The following GRID1 variants were observed in gnomAD, a reference collection of about 807,000 sequenced individuals.
The protein encoded by GRID1 is glutamate ionotropic receptor delta type subunit 1.
A neutral mutation model predicts 98.0 loss-of-function variants in GRID1; 28 were observed. That is an observed-to-expected ratio of 0.29 (90% CI 0.21 to 0.39). The LOEUF is 0.39. Among genes scored for constraint, GRID1 ranks in the 10% least tolerant of loss-of-function variants. The pLI, the probability that GRID1 is intolerant of heterozygous loss-of-function variation, is 1.00. For missense variants in GRID1, 1,111 were observed against 1,340.5 expected (o/e 0.83, Z 2.67); for synonymous variants, 553 against 538.5 (o/e 1.03, Z -0.37).
intron 2 of GRID1, among the ~76,000 whole-genome samples, chr10:86,286,075 C>T (rs1213747317): frequency 2.0e-5 from 3 of 152,070 alleles, no homozygotes; most frequent in East Asian, 3.9e-4. Flanking sequence ...GATAGGGATA[C>T]GTTAGATGTA....
chr10:85,849,498 T>C (rs1227736277), intron 8 of GRID1, among the ~76,000 whole-genome samples: 2 of 152,034 alleles, frequency 1.3e-5, no homozygotes, highest in African/African-American at 2.4e-5. Flanking sequence ...CCAAGGGCAG[T>C]GGTGGAAATT....
At chr10:85,741,712 G>C (rs1389560852) in intron 8 of GRID1, among the ~76,000 whole-genome samples, 2 of 151,738 alleles carry the variant, frequency 1.3e-5, no homozygotes, top group African/African-American at 2.4e-5. Context: ...AAATTCTCAA[G>C]TGGTTTTCAA....
At chr10:86,230,212 G>A (rs554287735) in intron 2 of GRID1, among the ~76,000 whole-genome samples, 83 of 151,944 alleles carry the variant, frequency 5.5e-4, no homozygotes, top group African/African-American at 1.8e-3. Context: ...CTACAGTCCC[G>A]CCCCATCCCA....
chr10:86,073,483 G>A (rs1168188408), intron 4 of GRID1, among the ~76,000 whole-genome samples: 1 of 152,196 alleles, frequency 6.6e-6, no homozygotes, highest in Non-Finnish European at 1.5e-5. Flanking sequence ...ACTGTCTGGT[G>A]GGTTCCCTGG....
At chr10:86,103,660 A>G (rs1389325828) in intron 4 of GRID1, among the ~76,000 whole-genome samples, 1 of 152,178 alleles carries the variant, frequency 6.6e-6, no homozygotes, top group Non-Finnish European at 1.5e-5. Flanking sequence ...ATTCCACAGC[A>G]TCTCACGTTC....
At chr10:85,914,606 A>G (rs1409656190) in intron 5 of GRID1, among the ~76,000 whole-genome samples, 2 of 152,198 alleles carry the variant, frequency 1.3e-5, no homozygotes, top group African/African-American at 2.4e-5. Context: ...AGCTAATAAG[A>G]TGTGAATTCA....
intron 3 of GRID1, among the ~76,000 whole-genome samples, chr10:86,194,075 T>A (rs1351597360): frequency 6.6e-6 from 1 of 152,130 alleles, no homozygotes; most frequent in Non-Finnish European, 1.5e-5. Flanking sequence ...TCTGTTCTCC[T>A]CCAGAACACT....
chr10:86,141,653 G>A (rs11201899), intron 3 of GRID1, among the ~76,000 whole-genome samples: 6,502 of 152,262 alleles, frequency 0.043, 149 homozygotes, highest in Non-Finnish European at 0.054. Context: ...CCATTAAAAC[G>A]TCAATTAATT....
At chr10:85,765,632 C>T (rs1171380649) in intron 8 of GRID1, among the ~76,000 whole-genome samples, 1 of 152,120 alleles carries the variant, frequency 6.6e-6, no homozygotes, top group Non-Finnish European at 1.5e-5. Context: ...GTATGTGAAA[C>T]ATAAATGAAT....
chr10:85,631,982 T>TATGC (rs1842980386), intron 13 of GRID1, among the ~76,000 whole-genome samples: 1 of 136,136 alleles, frequency 7.3e-6, no homozygotes, highest in South Asian at 2.2e-4. Context: ...TGTAAACACA[T>TATGC]ATGCACACAC....
intron 4 of GRID1, among the ~76,000 whole-genome samples, chr10:86,114,004 C>T (rs543840725): frequency 2.6e-5 from 4 of 152,014 alleles, no homozygotes; most frequent in Admixed American, 6.6e-5. Flanking sequence ...CTGCTGGAGC[C>T]TGTGTAGTGG....
chr10:85,821,158 A>C (rs1842766166), intron 8 of GRID1, among the ~76,000 whole-genome samples: 2 of 152,096 alleles, frequency 1.3e-5, no homozygotes, highest in Admixed American at 1.3e-4. Flanking sequence ...AAAGAGTAAA[A>C]AAAAAGCAAA....
chr10:86,044,871 C>T (rs1843399884), intron 4 of GRID1, among the ~76,000 whole-genome samples: 1 of 152,190 alleles, frequency 6.6e-6, no homozygotes, highest in Non-Finnish European at 1.5e-5. Flanking sequence ...GAACTGGATG[C>T]TGTAGCAAGG....
rs367796803 is a variant in GRID1, at chr10:85,834,880, T to C, written c.1233+19616A>G. Among the ~76,000 whole-genome samples, 4 of 152,264 alleles carry C rather than the reference T, an allele frequency of 2.6e-5. No individual in the cohort carries two copies. The East Asian group carries it at 5.8e-4, about 22-fold the overall frequency. On this transcript the variant is annotated intron_variant, in intron 8 of 15. Coordinates refer to ENST00000327946, the MANE Select transcript of GRID1 (RefSeq NM_017551.3). Reference sequence around the variant, plus strand: ...AATACTTATCTTAAGGATGTAAATATGCCAATTAAAAGGCAAAAATGGGAA... The same window carrying C: ...AATACTTATCTTAAGGATGTAAATACGCCAATTAAAAGGCAAAAATGGGAA...
intron 4 of GRID1, among the ~76,000 whole-genome samples, chr10:86,017,035 C>A (rs1233357815): frequency 6.6e-6 from 1 of 152,168 alleles, no homozygotes; most frequent in Admixed American, 6.5e-5. Flanking sequence ...TCTGAAATCC[C>A]AGGAAGAAGT....
In GRID1 at chr10:86,120,607, A is replaced by G. The variant is rs566451357; in HGVS notation, c.726+18212T>C. 2.0e-5 allele frequency among the ~76,000 whole-genome samples: 3 copies of G among 152,328 alleles called. No homozygotes were observed. The East Asian group carries it at 5.8e-4, about 29-fold the overall frequency. ...CTTTTGTTCCTGGGTTTTAAATTAC[A>G]AATTCTGCTCTTCAGAATTCCATTA... On this transcript the variant is annotated intron_variant, in intron 4 of 15. Coordinates refer to ENST00000327946, the MANE Select transcript of GRID1 (RefSeq NM_017551.3).
intron 5 of GRID1, among the ~76,000 whole-genome samples, chr10:85,885,688 AT>A (rs1841106975): frequency 6.6e-6 from 1 of 152,240 alleles, no homozygotes; most frequent in African/African-American, 2.4e-5. Flanking sequence ...AAGTAATTGA[AT>A]TAATATGATG....
At chr10:86,012,840 G>C (rs1842936290) in intron 4 of GRID1, among the ~76,000 whole-genome samples, 1 of 152,198 alleles carries the variant, frequency 6.6e-6, no homozygotes, top group Admixed American at 6.5e-5. Flanking sequence ...TCAGTCTCCA[G>C]AACTGTGAGA....
chr10:86,177,581 T>C (rs1387634369), intron 3 of GRID1, among the ~76,000 whole-genome samples: 1 of 151,730 alleles, frequency 6.6e-6, no homozygotes, highest in Non-Finnish European at 1.5e-5. Context: ...TGTATGTGCA[T>C]GAGACAGAGA....
Sources: allele counts gnomAD v4.1 joint callset (sites outside exome capture counted in the v4.1 genomes callset), GRCh38; gene constraint gnomAD v4.1.1; transcripts MANE v1.5; gene names NCBI Gene and HGNC (gene_info 2026-07-23, HGNC 2026-07-21).